The following LRP5 variants were observed in gnomAD, a reference collection of about 807,000 sequenced individuals.
LRP5 encodes low-density lipoprotein receptor-related protein 5.
In LRP5, 62 loss-of-function variants were observed where a neutral mutation model predicts 154.1. That is an observed-to-expected ratio of 0.40 (90% CI 0.33 to 0.50). LRP5 has a LOEUF of 0.50. Among genes scored for constraint, LRP5 ranks in the 20% least tolerant of loss-of-function variants. The pLI, the probability that LRP5 is intolerant of heterozygous loss-of-function variation, is 0.55. For missense variants in LRP5, 1,915 were observed against 2,336.7 expected (o/e 0.82, Z 3.72); for synonymous variants, 966 against 1,011.5 (o/e 0.96, Z 0.85).
At chr11:68,408,335 G>T (rs1300780260) in intron 9 of LRP5, among the ~76,000 whole-genome samples, 1 of 141,412 alleles carries the variant, frequency 7.1e-6, no homozygotes, top group Admixed American at 7.9e-5. Context: ...ACCCACCTCA[G>T]CCTCCCAAAG....
At chr11:68,408,520 C>T (rs538438505) in intron 9 of LRP5, among the ~76,000 whole-genome samples, 20 of 152,184 alleles carry the variant, frequency 1.3e-4, no homozygotes, top group African/African-American at 4.6e-4. Flanking sequence ...CAGCCAGAGA[C>T]GACCGTTGCT....
At chr11:68,363,685 A>G (rs1024185459) in intron 3 of LRP5, 62 bp from the exon 4 acceptor site, 2 of 1,322,176 alleles carry the variant, frequency 1.5e-6, no homozygotes, top group Non-Finnish European at 2.2e-6. Flanking sequence ...TAATTGGGTC[A>G]GCAGCAATGA....
rs371999197 is a variant in LRP5, at chr11:68,393,776, C to G, written c.1584+3724C>G. On this transcript the variant is annotated intron_variant, in intron 7 of 22. Coordinates refer to ENST00000294304, the MANE Select transcript of LRP5 (RefSeq NM_002335.4). ...AGCCTGGGTGACAAGAGTGAAACTC[C>G]ATCTAAAATAAAACAAAAATAAAAA... 4.6e-5 allele frequency among the ~76,000 whole-genome samples: 7 copies of G among 152,196 alleles called. No homozygotes were observed. The East Asian group carries it at 1.2e-3, about 25-fold the overall frequency.
Position 68,344,651 on chromosome 11 carries a change from C to T in LRP5, c.92-3196C>T, listed in dbSNP as rs1281677917. ...TCTTTAATTCCCACCTGAAACTTGC[C>T]GCCTTAAGCAGGTCCCCAGTCTCCC... is the stretch of plus-strand genomic sequence containing the variant. On this transcript the variant is annotated intron_variant, in intron 1 of 22. Coordinates refer to ENST00000294304, the MANE Select transcript of LRP5 (RefSeq NM_002335.4). Among the ~76,000 whole-genome samples, 3 of 151,688 alleles carry T rather than the reference C, an allele frequency of 2.0e-5. No homozygotes were observed. The East Asian group carries it at 5.8e-4, about 29-fold the overall frequency.
At chr11:68,342,216 G>GC (rs1376000338) in intron 1 of LRP5, among the ~76,000 whole-genome samples, 2 of 152,040 alleles carry the variant, frequency 1.3e-5, no homozygotes, top group African/African-American at 4.8e-5. Flanking sequence ...TACGGAGCCG[G>GC]CCCTTCCCTT....
chr11:68,348,101 G>T lies in LRP5; in HGVS notation c.346G>T (p.Asp116Tyr), dbSNP rs778613031. 1 of 1,614,102 alleles carries T rather than the reference G, an allele frequency of 6.2e-7. No individual in the cohort carries two copies. Among genetic ancestry groups the T allele is most frequent in the Non-Finnish European group, 8.5e-7 (1 of 1,180,036 alleles). Residue 116 changes from aspartate to tyrosine, a missense_variant, in exon 2 of 23, where the codon GAC becomes TAC. Physicochemically the swap from Asp to Tyr is radical, Grantham distance 160. Around this residue, in one of 3 missense-constraint regions of LRP5, gnomAD observed 773 missense variants for 1,100.9 expected, o/e 0.70. Coordinates refer to ENST00000294304, the MANE Select transcript of LRP5 (RefSeq NM_002335.4). Reference sequence around the variant, plus strand: ...GGTCTCTCCCGACGGCCTCGCCTGCGACTGGGTGGGCAAGAAGCTGTACTG... The same window carrying T: ...GGTCTCTCCCGACGGCCTCGCCTGCTACTGGGTGGGCAAGAAGCTGTACTG... ...GLVSPDGLAC[D>Y]WVGKKLYWTD...
chr11:68,322,045 T>C (rs975022619), intron 1 of LRP5, among the ~76,000 whole-genome samples: 1 of 152,228 alleles, frequency 6.6e-6, no homozygotes, highest in Non-Finnish European at 1.5e-5. Flanking sequence ...AGATATGTTC[T>C]GGGGCTTGCT....
chr11:68,314,600 A>G (rs2098591599), intron 1 of LRP5, among the ~76,000 whole-genome samples: 1 of 152,224 alleles, frequency 6.6e-6, no homozygotes, highest in South Asian at 2.1e-4. Context: ...ACGCACGGAA[A>G]TGGCTTTGTT....
At chr11:68,301,199 T>G in the LRP5 span, among the ~76,000 whole-genome samples, 1 of 149,578 alleles carries the variant, frequency 6.7e-6, no homozygotes, top group African/African-American at 2.4e-5. Flanking sequence ...CCCAAAATGT[T>G]GAGATTACAG....
intron 9 of LRP5, among the ~76,000 whole-genome samples, chr11:68,407,325 C>T (rs1406367250): frequency 6.6e-6 from 1 of 151,872 alleles, no homozygotes; most frequent in African/African-American, 2.4e-5. Context: ...TGCACCACCA[C>T]ACCCAGCTAA....
intron 12 of LRP5, among the ~76,000 whole-genome samples, chr11:68,414,428 C>A (rs2098661378): frequency 6.6e-6 from 1 of 152,148 alleles, no homozygotes. Flanking sequence ...GCAACCCATC[C>A]AAGGCCATAC....
chr11:68,420,836 G>A (rs1362427876), intron 13 of LRP5, among the ~76,000 whole-genome samples: 1 of 152,206 alleles, frequency 6.6e-6, no homozygotes, highest in Non-Finnish European at 1.5e-5. Context: ...CCGTGGTGAA[G>A]GTTTTGTACT....
chr11:68,298,976 G>A, the LRP5 span, among the ~76,000 whole-genome samples: 1 of 152,190 alleles, frequency 6.6e-6, no homozygotes, highest in Non-Finnish European at 1.5e-5. Flanking sequence ...ATGGCAAAGA[G>A]GAAGCTGCAC....
chr11:68,333,631 A>G (rs550111526), intron 1 of LRP5, among the ~76,000 whole-genome samples: 1 of 152,320 alleles, frequency 6.6e-6, no homozygotes, highest in Admixed American at 6.5e-5. Flanking sequence ...ATGTTTTATC[A>G]TAAAGTCTGT....
chr11:68,332,829 G>A (rs887175829), intron 1 of LRP5, among the ~76,000 whole-genome samples: 3 of 152,110 alleles, frequency 2.0e-5, no homozygotes, highest in Non-Finnish European at 4.4e-5. Context: ...GAATTGGTGG[G>A]ATATAGATGG....
the LRP5 span, among the ~76,000 whole-genome samples, chr11:68,300,182 G>A: frequency 6.7e-6 from 1 of 149,152 alleles, no homozygotes; most frequent in Admixed American, 6.7e-5. Flanking sequence ...ATGAGCCACC[G>A]TGCCTGGCCA....
chr11:68,330,554 G>T (rs1565321442), intron 1 of LRP5, among the ~76,000 whole-genome samples: 1 of 152,252 alleles, frequency 6.6e-6, no homozygotes, highest in Non-Finnish European at 1.5e-5. Flanking sequence ...GGGGTTCTGG[G>T]TCTGGGAGGC....
chr11:68,383,560 G>C lies in LRP5; in HGVS notation c.1016-2756G>C, dbSNP rs541215996. On this transcript the variant is annotated intron_variant, in intron 5 of 22. Coordinates refer to ENST00000294304, the MANE Select transcript of LRP5 (RefSeq NM_002335.4). ...CACTGGATGAGGAGACAGGCCCAGA[G>C]AGGGGCAGGAACCTGCCCGAGGTCA... is the stretch of plus-strand genomic sequence containing the variant. 6.6e-5 allele frequency among the ~76,000 whole-genome samples: 10 copies of C among 152,384 alleles called. No individual in the cohort carries two copies. The South Asian group carries it at 1.4e-3, about 22-fold the overall frequency.
chr11:68,389,861 G>C lies in LRP5; in HGVS notation c.1413-20G>C, dbSNP rs747120664. 25 of 1,614,086 alleles carry C rather than the reference G, an allele frequency of 1.5e-5. No homozygotes were observed. The highest frequency in any genetic ancestry group is 2.1e-5 in the Non-Finnish European group (25 of 1,180,014). ...GACCAGACAGACTCATGGGGTCATG[G>C]ACTTCTGCTTCTTCTCCAGCCTCAT... On this transcript the variant is annotated intron_variant, in intron 6 of 22. Coordinates refer to ENST00000294304, the MANE Select transcript of LRP5 (RefSeq NM_002335.4).
Sources: gnomAD v4.1 joint callset for allele counts (sites outside exome capture counted in the v4.1 genomes callset) on GRCh38, gnomAD v4.1.1 for gene constraint, gnomAD v4.1.1 regional missense constraint, MANE v1.5 for transcripts, NCBI Gene and HGNC (gene_info 2026-07-23, HGNC 2026-07-21) for gene names.